The following APOC1 variants were observed in gnomAD, a reference collection of about 807,000 sequenced individuals.
APOC1 encodes the protein apolipoprotein C1.
Under a neutral mutation model 6.7 loss-of-function variants are expected in APOC1, and 4 were observed. The observed-to-expected ratio is 0.60, with a 90% CI of 0.29 to 1.37. The LOEUF (loss-of-function observed/expected upper bound fraction) is 1.37, where lower values mean the gene tolerates loss of function less well. Ranked by LOEUF, APOC1 falls within the 40% of genes most tolerant of loss-of-function variation. The probability of loss-of-function intolerance (pLI) is 0.09; values close to 1 mark genes in which losing one functional copy is unlikely to be tolerated. For synonymous variants in APOC1, 33 were observed against 40.6 expected (o/e 0.81, Z 0.72); for missense variants, 122 against 99.4 (o/e 1.23, Z -0.97).
rs1198753683 is a variant in APOC1 at position 44,914,901 on chromosome 19, T to G, written c.10T>G (p.Phe4Val). Residue 4 changes from phenylalanine (F) to valine (V), a missense_variant, in exon 2 of 4, where the codon TTC (phenylalanine) becomes GTC (valine). Coordinates refer to ENST00000592535, the MANE Select transcript of APOC1 (RefSeq NM_001645.5). ...CCCCTCCGGCCTCGCCATGAGGCTCTTCCTGTCGCTCCCGGTCCTGGTGGT... is the reference window on the plus strand; with the variant it reads ...CCCCTCCGGCCTCGCCATGAGGCTCGTCCTGTCGCTCCCGGTCCTGGTGGT... MRL[F>V]LSLPVLVVVL... The G allele has an allele frequency of 6.2e-7, 1 of 1,613,858 alleles. No homozygotes were observed. Among genetic ancestry groups the G allele is most frequent in the Admixed American group, 1.7e-5 (1 of 60,002 alleles).
At chr19:44,918,337 CTTTT>C (rs1200008263) in intron 3 of APOC1, among the ~76,000 whole-genome samples, 6 of 90,332 alleles carry the variant, frequency 6.6e-5, no homozygotes, top group African/African-American at 1.3e-4. Context: ...TGAAGTGTTT[CTTTT>C]TTTTTTTTTT....
At chr19:44,914,769 C>G (rs1393663900) in intron 1 of APOC1, 36 bp downstream of exon 1, 2 of 1,014,866 alleles carry the variant, frequency 2.0e-6, no homozygotes, top group East Asian at 5.2e-5. Flanking sequence ...CACCCGCCTA[C>G]ACTCTGCAAG....
At chr19:44,915,262 G>T in intron 2 of APOC1, 1 of 372,618 alleles carries the variant, frequency 2.7e-6, no homozygotes. Context: ...GCTGAGTAAG[G>T]CAATTCCCAG....
At chr19:44,915,048 G>C (rs1422266236) in intron 2 of APOC1, 99 bp downstream of exon 2, 3 of 1,375,238 alleles carry the variant, frequency 2.2e-6, no homozygotes, top group South Asian at 2.4e-5. Context: ...GAGAGCTCCG[G>C]GGCCCCTTCT....
Position 44,916,200 on chromosome 19 carries a change from A to T in APOC1, c.69A>T (p.Pro23=). The T allele has an allele frequency of 2.6e-6, 4 of 1,530,342 alleles. No individual in the cohort carries two copies. The highest frequency in any genetic ancestry group is 3.5e-6 in the Non-Finnish European group (4 of 1,133,194). The allele number at this position is 1,530,342 out of a possible 1,614,324, so 94.8% of individuals were successfully genotyped here. The change falls in exon 3 of 4, where the codon CCA becomes CCT. Residue 23 remains proline, a synonymous_variant. Transcript: ENST00000592535. ...VLSIVLEGPA[P]AQGTPDVSSA... is the part of the protein sequence containing the mutation. ...CCATCTTCCTGGCAGGCCCAGCCCCAGCCCAGGGGACCCCAGACGTCTCCA... is the reference window on the plus strand; with the variant it reads ...CCATCTTCCTGGCAGGCCCAGCCCCTGCCCAGGGGACCCCAGACGTCTCCA...
rs1970059865 is a variant in APOC1 at position 44,919,232 on chromosome 19, G to GACCT, written c.*3_*6dup. The GACCT allele has an allele frequency of 6.2e-7, 1 of 1,613,708 alleles. No individual in the cohort carries two copies. The highest frequency in any genetic ancestry group is 8.5e-7 in the Non-Finnish European group (1 of 1,179,698). On this transcript the variant is annotated 3_prime_UTR_variant, in exon 4 of 4. Coordinates refer to ENST00000592535, the MANE Select transcript of APOC1 (RefSeq NM_001645.5). Reference sequence around the variant, plus strand: ...GAGAAACTCAAGATTGACTCATGAGGACCTGAAGGGTGACATCCCAGGAGG... The same window carrying GACCT: ...GAGAAACTCAAGATTGACTCATGAGGACCTACCTGAAGGGTGACATCCCAGGAGG...
chr19:44,914,944 T>C lies in APOC1; in HGVS notation c.53T>C (p.Leu18Ser), dbSNP rs780144474. The change falls in exon 2 of 4, where the codon TTG (leucine) becomes TCG (serine). Residue 18 changes from leucine (L) to serine (S), a missense_variant. Coordinates refer to ENST00000592535, the MANE Select transcript of APOC1 (RefSeq NM_001645.5). ...CTGGTGGTGGTTCTGTCGATCGTCT[T>C]GGAAGGTAAAAGTGGGATGGGAGAA... ...PVLVVVLSIV[L>S]EGPAPAQGTP... 2.5e-6 allele frequency: 4 copies of C among 1,612,462 alleles called. No homozygotes were observed. Among genetic ancestry groups the C allele is most frequent in the Non-Finnish European group, 3.4e-6 (4 of 1,178,724 alleles).
Position 44,919,297 on chromosome 19 carries a change from G to A in APOC1, c.*67G>A. 7.0e-7 allele frequency: 1 copy of A among 1,432,802 alleles called. No homozygotes were observed. Among genetic ancestry groups the A allele is most frequent in the South Asian group, 1.2e-5 (1 of 86,876 alleles). 88.8% of individuals were successfully genotyped at this position (1,432,802 alleles called of 1,614,324 possible). A position where few individuals can be genotyped will look rare whatever the true frequency, so the allele number is the denominator to read the frequency against. On this transcript the variant is annotated 3_prime_UTR_variant, in exon 4 of 4. Coordinates refer to ENST00000592535, the MANE Select transcript of APOC1 (RefSeq NM_001645.5). ...CCCACACCCCAGCGCCTGTGCTGAG[G>A]ACTCCCTCCATGTGGCCCCAGGTGC... is the stretch of plus-strand genomic sequence containing the variant.
intron 3 of APOC1, chr19:44,918,769 C>T (rs1347668314): frequency 1.2e-5 from 2 of 170,522 alleles, no homozygotes; most frequent in Non-Finnish European, 2.5e-5. Flanking sequence ...AGGCAATTCT[C>T]CTGCCTCAGC....
At chr19:44,916,560 G>T in intron 3 of APOC1, 1 of 579,732 alleles carries the variant, frequency 1.7e-6, no homozygotes, top group Non-Finnish European at 2.9e-6. Flanking sequence ...GCTCATGCTT[G>T]CAATCCCAGC....
chr19:44,916,261 C>G lies in APOC1; in HGVS notation c.130C>G (p.Leu44Val), dbSNP rs769271150. 1 of 1,613,446 alleles carries G rather than the reference C, an allele frequency of 6.2e-7. No individual in the cohort carries two copies. The highest frequency in any genetic ancestry group is 1.1e-5 in the South Asian group (1 of 91,068). ...TAAGCTGAAGGAGTTTGGAAACACA[C>G]TGGAGGACAAGGCTCGGGAACTCAT... ...LDKLKEFGNT[L>V]EDKARELISR... The change falls in exon 3 of 4, where the codon CTG (leucine) becomes GTG (valine). Residue 44 changes from leucine (L) to valine (V), a missense_variant. Transcript: ENST00000592535.
chr19:44,916,809 C>CA (rs1160183813), intron 3 of APOC1, among the ~76,000 whole-genome samples: 10,205 of 46,204 alleles, frequency 0.22, 2,356 homozygotes, highest in East Asian at 0.3. Context: ...GACTCTGTCT[C>CA]AAAAAAAAAA....
At chr19:44,916,377 G>A in intron 3 of APOC1, 52 bp downstream of exon 3, 1 of 1,606,368 alleles carries the variant, frequency 6.2e-7, no homozygotes, top group Non-Finnish European at 8.5e-7. Context: ...TTTGGGTGGA[G>A]CCCTGGCAGA....
rs1970059384 is a variant in APOC1 at position 44,919,196 on chromosome 19, A to G, written c.218A>G (p.Gln73Arg). 3 of 1,613,912 alleles carry G rather than the reference A, an allele frequency of 1.9e-6. No individual in the cohort carries two copies. The highest frequency in any genetic ancestry group is 1.1e-5 in the South Asian group (1 of 91,074). Residue 73 changes from glutamine to arginine, a missense_variant, in exon 4 of 4, where the codon CAG (glutamine) becomes CGG (arginine). Physicochemically the swap from Gln to Arg is conservative, Grantham distance 43. Transcript: ENST00000592535. ...KMREWFSETF[Q>R]KVKEKLKIDS ...AGGGAGTGGTTTTCAGAGACATTTC[A>G]GAAAGTGAAGGAGAAACTCAAGATT...
chr19:44,916,809 C>CAAAAAA (rs1160183813), intron 3 of APOC1, among the ~76,000 whole-genome samples: 1 of 46,404 alleles, frequency 2.2e-5, no homozygotes, highest in Non-Finnish European at 3.5e-5. Context: ...GACTCTGTCT[C>CAAAAAA]AAAAAAAAAA....
intron 1 of APOC1, 66 bp from the exon 2 acceptor site, chr19:44,914,806 C>T: frequency 7.4e-7 from 1 of 1,358,648 alleles, no homozygotes; most frequent in Non-Finnish European, 1.0e-6. Context: ...ATGAGGGGAT[C>T]GTGGGAGGGA....
At chr19:44,916,073 G>A in intron 2 of APOC1, 117 bp from the exon 3 acceptor site, 1 of 1,217,168 alleles carries the variant, frequency 8.2e-7, no homozygotes, top group Non-Finnish European at 1.1e-6. Flanking sequence ...GGAGGTGGTG[G>A]TTGCAGTAGG....
chr19:44,914,551 C>T (rs1412282732), upstream of APOC1: 2 of 309,406 alleles, frequency 6.5e-6, no homozygotes, highest in Admixed American at 4.2e-5. Flanking sequence ...CCCCACCTGA[C>T]CCCAACGCTC....
At chr19:44,914,845 C>T (rs745844155) in intron 1 of APOC1, 27 bp from the exon 2 acceptor site, 1 of 1,595,028 alleles carries the variant, frequency 6.3e-7, no homozygotes, top group Non-Finnish European at 8.6e-7. Flanking sequence ...TGCCACTGAT[C>T]CCCTGAACCC....
Sources: allele counts gnomAD v4.1 joint callset (sites outside exome capture counted in the v4.1 genomes callset), GRCh38; gene constraint gnomAD v4.1.1; transcripts MANE v1.5; gene names NCBI Gene and HGNC (gene_info 2026-07-23, HGNC 2026-07-21).